The following CSMD1 variants were observed in gnomAD, a reference collection of about 807,000 sequenced individuals.
The protein encoded by CSMD1 is CUB and sushi domain-containing protein 1.
In CSMD1, 213 loss-of-function variants were observed where a neutral mutation model predicts 417.5. The observed-to-expected ratio is 0.51, with a 90% CI of 0.46 to 0.57. The LOEUF (loss-of-function observed/expected upper bound fraction) is 0.57. Ranked by LOEUF, CSMD1 falls within the 20% of genes least tolerant of loss-of-function variation. The pLI is 0.00. For missense variants in CSMD1, 6,923 were observed against 4,529.7 expected, an observed-to-expected ratio of 1.53 and a Z score of -15.17; for synonymous variants, 2,862 against 1,736.8, an observed-to-expected ratio of 1.65 and a Z score of -16.11.
Position 4,487,785 on chromosome 8 carries a change from T to C in CSMD1, c.303-67720A>G, listed in dbSNP as rs184494846. Among the ~76,000 whole-genome samples the C allele has an allele frequency of 3.8e-4, 58 of 151,982 alleles. No individual in the cohort carries two copies. The Middle Eastern group carries it at 0.01, about 27-fold the overall frequency. Reference sequence around the variant, plus strand: ...TCGTCTAAAGAAAATGTCCTAAATATACTTACAAAAATTAATTAACTTAGG... The same window carrying C: ...TCGTCTAAAGAAAATGTCCTAAATACACTTACAAAAATTAATTAACTTAGG... On this transcript the variant is annotated intron_variant, in intron 2 of 69. Transcript: ENST00000635120.
chr8:3,003,754 T>C (rs80027456), intron 52 of CSMD1, among the ~76,000 whole-genome samples: 7,651 of 152,196 alleles, frequency 0.05, 200 homozygotes, highest in East Asian at 0.072. Flanking sequence ...CACTCAGCCA[T>C]GCTGAGGACC....
intron 2 of CSMD1, among the ~76,000 whole-genome samples, chr8:4,590,170 T>A (rs567283679): frequency 1.3e-5 from 2 of 150,798 alleles, no homozygotes; most frequent in Non-Finnish European, 2.9e-5. Flanking sequence ...TTCTTTATGC[T>A]GTTTTTTTTT....
chr8:4,578,242 G>C (rs865886582), intron 2 of CSMD1, among the ~76,000 whole-genome samples: 3 of 151,160 alleles, frequency 2.0e-5, no homozygotes, highest in Non-Finnish European at 1.5e-5. Context: ...CTCACTGCAA[G>C]CTCTGCCTCC....
chr8:3,730,346 G>C (rs975186233), intron 6 of CSMD1, among the ~76,000 whole-genome samples: 6 of 146,130 alleles, frequency 4.1e-5, no homozygotes, highest in Non-Finnish European at 1.5e-5. Flanking sequence ...TTCTCCTCAT[G>C]CTCCCAAAAA....
intron 3 of CSMD1, among the ~76,000 whole-genome samples, chr8:4,280,235 G>T (rs1487817919): frequency 6.6e-6 from 1 of 152,092 alleles, no homozygotes; most frequent in Non-Finnish European, 1.5e-5. Flanking sequence ...CTCTCTTTAG[G>T]CATATAGTTA....
chr8:4,758,330 T>C (rs920740568), intron 1 of CSMD1, among the ~76,000 whole-genome samples: 1 of 152,192 alleles, frequency 6.6e-6, no homozygotes, highest in Non-Finnish European at 1.5e-5. Context: ...TTCTGATTCT[T>C]TGTGTTATTT....
chr8:4,231,489 C>T (rs762570820), intron 3 of CSMD1, among the ~76,000 whole-genome samples: 17 of 150,538 alleles, frequency 1.1e-4, no homozygotes, highest in South Asian at 2.1e-4. Context: ...AGCTCTCTCA[C>T]GCCCTTCAAT....
At chr8:4,505,359 T>C (rs1318359555) in intron 2 of CSMD1, among the ~76,000 whole-genome samples, 18 of 152,202 alleles carry the variant, frequency 1.2e-4, no homozygotes. Context: ...CAGAGATCAC[T>C]GAACCTAATT....
intron 1 of CSMD1, among the ~76,000 whole-genome samples, chr8:4,851,622 T>C (rs558369986): frequency 6.6e-6 from 1 of 152,270 alleles, no homozygotes; most frequent in East Asian, 1.9e-4. Flanking sequence ...GGGAGTTTCA[T>C]AATAATCTAT....
Position 4,420,008 on chromosome 8 carries a change from C to A in CSMD1, c.360G>T (p.Leu120=). 6.3e-7 allele frequency: 1 copy of A among 1,588,676 alleles called. No homozygotes were observed. The highest frequency in any genetic ancestry group is 8.6e-7 in the Non-Finnish European group (1 of 1,166,502). The change falls in exon 3 of 70, where the codon CTG becomes CTT. Residue 120 remains leucine (L), a synonymous_variant. Transcript: ENST00000635120. ...TCACAGCGAAGTCTGTCGTGAACCA[C>A]AGAGTGAGGATAGATCCTGTACTCA... ...SIVSTGSILT[L]WFTTDFAVSA...
intron 2 of CSMD1, among the ~76,000 whole-genome samples, chr8:4,447,271 A>C (rs747958271): frequency 1.3e-5 from 2 of 152,282 alleles, no homozygotes; most frequent in South Asian, 4.1e-4. Flanking sequence ...GATACAACTA[A>C]AGCAAATCAA....
chr8:3,959,016 T>C (rs914051439), intron 5 of CSMD1, among the ~76,000 whole-genome samples: 1 of 152,164 alleles, frequency 6.6e-6, no homozygotes, highest in Admixed American at 6.5e-5. Context: ...CTCCCTACTC[T>C]GCGGCGGCTT....
intron 2 of CSMD1, among the ~76,000 whole-genome samples, chr8:4,429,015 T>C (rs1048237596): frequency 1.3e-5 from 2 of 152,040 alleles, no homozygotes; most frequent in Non-Finnish European, 2.9e-5. Context: ...CACGTCGGCC[T>C]TATCTTAGGT....
At chr8:4,200,749 C>G (rs186990723) in intron 3 of CSMD1, among the ~76,000 whole-genome samples, 9 of 152,266 alleles carry the variant, frequency 5.9e-5, no homozygotes, top group Non-Finnish European at 1.2e-4. Context: ...GTAGTCCCAA[C>G]TACTCTGGCG....
chr8:3,514,509 T>A (rs7815690), intron 10 of CSMD1, among the ~76,000 whole-genome samples: 55,864 of 152,142 alleles, frequency 0.37, 12,771 homozygotes, highest in African/African-American at 0.64. Flanking sequence ...AAAATGGCTT[T>A]AATGACAATC....
At chr8:4,207,679 A>G (rs1800061340) in intron 3 of CSMD1, among the ~76,000 whole-genome samples, 1 of 152,138 alleles carries the variant, frequency 6.6e-6, no homozygotes, top group South Asian at 2.1e-4. Flanking sequence ...GTGCATTCAC[A>G]TGTACATTTC....
intron 4 of CSMD1, among the ~76,000 whole-genome samples, chr8:3,999,895 G>A (rs7003719): frequency 0.32 from 48,138 of 151,968 alleles, 8,221 homozygotes; most frequent in African/African-American, 0.43. Context: ...TGTTTTGTAG[G>A]ACATCTCAGG....
intron 1 of CSMD1, among the ~76,000 whole-genome samples, chr8:4,650,132 T>C (rs1052046442): frequency 6.6e-6 from 1 of 151,918 alleles, no homozygotes; most frequent in East Asian, 1.9e-4. Flanking sequence ...GATCACGAGG[T>C]CAGGAGATCG....
chr8:3,769,089 A>C (rs182383157), intron 5 of CSMD1, among the ~76,000 whole-genome samples: 4 of 152,362 alleles, frequency 2.6e-5, no homozygotes, highest in African/African-American at 7.2e-5. Context: ...AGTTGAGCAA[A>C]CTAATTAAAG....
Sources: gnomAD v4.1 joint callset for allele counts (sites outside exome capture counted in the v4.1 genomes callset) on GRCh38, gnomAD v4.1.1 for gene constraint, MANE v1.5 for transcripts, NCBI Gene and HGNC (gene_info 2026-07-23, HGNC 2026-07-21) for gene names.